The following DCC variants were observed in gnomAD, a reference collection of about 807,000 sequenced individuals.
The protein encoded by DCC is DCC netrin 1 receptor, also known as netrin receptor DCC.
Under a neutral mutation model 172.5 loss-of-function variants are expected in DCC, and 58 were observed. The observed-to-expected ratio is 0.34, with a 90% CI of 0.27 to 0.42. DCC has a LOEUF of 0.42. Among genes scored for constraint, DCC ranks in the 10% least tolerant of loss-of-function variants. DCC has a pLI of 1.00. For synonymous variants in DCC, 709 were observed against 644.5 expected (o/e 1.10, Z -1.52); for missense variants, 1,740 against 1,791.0 (o/e 0.97, Z 0.51).
chr18:52,734,309 C>A (rs1041200915), intron 1 of DCC, among the ~76,000 whole-genome samples: 1 of 152,066 alleles, frequency 6.6e-6, no homozygotes, highest in East Asian at 1.9e-4. Context: ...ATGATCCTAG[C>A]GATCACTCTA....
chr18:52,726,272 G>A (rs987337198), intron 1 of DCC, among the ~76,000 whole-genome samples: 3 of 152,164 alleles, frequency 2.0e-5, no homozygotes, highest in Non-Finnish European at 4.4e-5. Context: ...CTTGCCTCCG[G>A]AGTCTGCAAT....
At chr18:52,885,247 G>A (rs368573003) in intron 2 of DCC, among the ~76,000 whole-genome samples, 1 of 152,220 alleles carries the variant, frequency 6.6e-6, no homozygotes, top group East Asian at 1.9e-4. Context: ...CTTCAGAGTG[G>A]CAACTTCCCT....
At chr18:53,341,130 A>C (rs1474946227) in intron 15 of DCC, among the ~76,000 whole-genome samples, 1 of 152,188 alleles carries the variant, frequency 6.6e-6, no homozygotes, top group African/African-American at 2.4e-5. Context: ...TTTTATGGCT[A>C]TCAAGCCTAT....
chr18:52,385,569 G>C (rs1985764079), intron 1 of DCC, among the ~76,000 whole-genome samples: 1 of 151,924 alleles, frequency 6.6e-6, no homozygotes. Context: ...CCATTCCAGG[G>C]GAACAGTTCC....
intron 15 of DCC, among the ~76,000 whole-genome samples, chr18:53,361,169 C>A (rs182346359): frequency 1.3e-5 from 2 of 152,098 alleles, no homozygotes; most frequent in East Asian, 3.9e-4. Context: ...GAATTAGGAT[C>A]CAGAAAAGGC....
At chr18:53,484,381 G>A (rs557622529) in intron 25 of DCC, among the ~76,000 whole-genome samples, 2 of 151,306 alleles carry the variant, frequency 1.3e-5, no homozygotes, top group East Asian at 3.9e-4. Flanking sequence ...GACAAGATTA[G>A]GTTGCCTTTT....
In DCC at chr18:53,076,608, G is replaced by A. The variant is rs116089632; in HGVS notation, c.1261+10442G>A. Among the ~76,000 whole-genome samples, 678 of 151,440 alleles carry A rather than the reference G, an allele frequency of 4.5e-3. 2 individuals are homozygous for A. The highest frequency in any genetic ancestry group is 0.015 in the African/African-American group (626 of 41,030). On this transcript the variant is annotated intron_variant, in intron 7 of 28. Coordinates refer to ENST00000442544, the MANE Select transcript of DCC (RefSeq NM_005215.4). Reference sequence around the variant, plus strand: ...GTTATTTGATTCTTTTCAATATAATGAGGGATTCCATGTTGGTCTCAAATA... The same window carrying A: ...GTTATTTGATTCTTTTCAATATAATAAGGGATTCCATGTTGGTCTCAAATA...
chr18:53,510,980 A>T (rs1230659884), intron 27 of DCC, among the ~76,000 whole-genome samples: 1 of 152,188 alleles, frequency 6.6e-6, no homozygotes, highest in Non-Finnish European at 1.5e-5. Context: ...AAGAACATAT[A>T]ATTTAAGCCT....
At chr18:52,420,023 G>A (rs1371551305) in intron 1 of DCC, among the ~76,000 whole-genome samples, 1 of 152,178 alleles carries the variant, frequency 6.6e-6, no homozygotes, top group Non-Finnish European at 1.5e-5. Flanking sequence ...GGCAGAGCCA[G>A]GAGTTGACAA....
rs560514994 is a variant in DCC at position 52,753,718 on chromosome 18, A to T, written c.412+1344A>T. 2.0e-5 allele frequency among the ~76,000 whole-genome samples: 3 copies of T among 152,294 alleles called. No individual in the cohort carries two copies. The South Asian group carries it at 6.2e-4, about 32-fold the overall frequency. ...GTTTTCACCTGGATACACTGAAGTC[A>T]TGTAGACTCTGAAAAAATGGTACTG... On this transcript the variant is annotated intron_variant, in intron 2 of 28. Coordinates refer to ENST00000442544, the MANE Select transcript of DCC (RefSeq NM_005215.4).
chr18:52,952,993 C>A (rs779414201), intron 5 of DCC, among the ~76,000 whole-genome samples: 1 of 94,004 alleles, frequency 1.1e-5, no homozygotes, highest in South Asian at 3.8e-4. Context: ...GTAAGACTCT[C>A]CTGTCTCAAA....
intron 7 of DCC, among the ~76,000 whole-genome samples, chr18:53,152,981 T>G (rs1444677502): frequency 6.6e-6 from 1 of 152,140 alleles, no homozygotes; most frequent in Admixed American, 6.6e-5. Context: ...CCCTGAAGCC[T>G]AAGGAGAAAA....
intron 1 of DCC, among the ~76,000 whole-genome samples, chr18:52,637,501 C>A (rs571803971): frequency 2.1e-3 from 325 of 152,150 alleles, no homozygotes; most frequent in African/African-American, 7.6e-3. Flanking sequence ...TTTGGAGGCG[C>A]TTTTGGAAAT....
At chr18:52,849,477 C>T (rs2038942890) in intron 2 of DCC, among the ~76,000 whole-genome samples, 2 of 152,140 alleles carry the variant, frequency 1.3e-5, no homozygotes, top group South Asian at 2.1e-4. Context: ...AATAGTGCCC[C>T]TAGCTGAGCA....
chr18:52,994,244 C>A (rs2041443172), intron 5 of DCC, among the ~76,000 whole-genome samples: 1 of 151,998 alleles, frequency 6.6e-6, no homozygotes, highest in South Asian at 2.1e-4. Flanking sequence ...TTTTTAAAGA[C>A]CATCCTTGAG....
In DCC at chr18:52,977,622, A is replaced by G. The variant is rs1292219024; in HGVS notation, c.985+52252A>G. 2.0e-5 allele frequency among the ~76,000 whole-genome samples: 3 copies of G among 152,164 alleles called. No homozygotes were observed. The East Asian group carries it at 5.8e-4, about 29-fold the overall frequency. On this transcript the variant is annotated intron_variant, in intron 5 of 28. Transcript: ENST00000442544. ...ATATCTGGGCCGGGCGCAGTGGCTCATGCCTGTAGTCCCAGCACTTTGGGA... is the reference window on the plus strand; with the variant it reads ...ATATCTGGGCCGGGCGCAGTGGCTCGTGCCTGTAGTCCCAGCACTTTGGGA...
chr18:53,064,287 T>C (rs1031501092), intron 6 of DCC, among the ~76,000 whole-genome samples: 1 of 152,116 alleles, frequency 6.6e-6, no homozygotes. Context: ...ATCTCACTTA[T>C]AGGTATAGGT....
chr18:52,983,746 G>C (rs1329908398), intron 5 of DCC, among the ~76,000 whole-genome samples: 4 of 152,118 alleles, frequency 2.6e-5, no homozygotes, highest in Admixed American at 1.3e-4. Context: ...CCTCTGCCTA[G>C]AGCAGTCTGG....
chr18:52,396,075 A>G (rs1986215305), intron 1 of DCC, among the ~76,000 whole-genome samples: 1 of 152,028 alleles, frequency 6.6e-6, no homozygotes, highest in South Asian at 2.1e-4. Context: ...GAAACAGACT[A>G]TCAAATGCAA....
Sources: gnomAD v4.1 joint callset for allele counts (sites outside exome capture counted in the v4.1 genomes callset) on GRCh38, gnomAD v4.1.1 for gene constraint, MANE v1.5 for transcripts, NCBI Gene and HGNC (gene_info 2026-07-23, HGNC 2026-07-21) for gene names.